Variants in DZANK1 observed in about 807,000 individuals in gnomAD.
DZANK1 encodes double zinc ribbon and ankyrin repeat-containing protein 1.
DZANK1 carries 91 observed loss-of-function variants against 94.5 expected under a neutral mutation model. The ratio of observed to expected loss-of-function variants is 0.96; its 90% CI spans 0.81 to 1.15. The LOEUF is 1.15. DZANK1 is among the 50% of genes most tolerant of loss of function. The pLI is 0.00. For missense variants in DZANK1, 903 were observed against 916.4 expected, an observed-to-expected ratio of 0.99 and a Z score of 0.19; for synonymous variants, 312 against 325.3, an observed-to-expected ratio of 0.96 and a Z score of 0.44.
chr20:18,457,464 G>A (rs1327787499), intron 3 of DZANK1, among the ~76,000 whole-genome samples: 5 of 152,142 alleles, frequency 3.3e-5, no homozygotes, highest in East Asian at 1.9e-4. Flanking sequence ...GTGACACAGC[G>A]AGACCCTGTC....
At chr20:18,389,814 G>A (rs912189194) in exon 19 of DZANK1, 1 of 1,613,890 alleles carries the variant, frequency 6.2e-7, no homozygotes, top group African/African-American at 1.3e-5. Flanking sequence ...CATCACAGCA[G>A]TTGGGGTCTG....
chr20:18,437,541 T>G (rs1456267585), intron 8 of DZANK1, among the ~76,000 whole-genome samples: 2 of 151,716 alleles, frequency 1.3e-5, no homozygotes, highest in African/African-American at 2.4e-5. Flanking sequence ...ATTGTGCCAC[T>G]GCGCTCACTC....
chr20:18,434,027 G>T, intron 8 of DZANK1: 1 of 378,070 alleles, frequency 2.6e-6, no homozygotes, highest in East Asian at 4.7e-5. Flanking sequence ...CACATTATTT[G>T]TATCAAATAA....
rs542374499 is a variant in DZANK1 at position 18,398,794 on chromosome 20, C to T, written c.1433-168G>A. 2.0e-5 allele frequency among the ~76,000 whole-genome samples: 3 copies of T among 152,314 alleles called. No individual in the cohort carries two copies. In the East Asian group the frequency reaches 5.8e-4, roughly 29 times the overall value. On this transcript the variant is annotated intron_variant, in intron 13 of 20. Transcript: ENST00000262547. The stretch of plus-strand genomic sequence containing the variant: ...ATGCTCTGGAACAAGTTCCATTTTC[C>T]TCCATAACTGCTTGTTACATGTAAT...
rs2058721701 is a variant in DZANK1, at chr20:18,441,744, C to T, written c.747+1603G>A. Reference sequence around the variant, plus strand: ...GATCCAATGAAACTCATTAGGAATTCCTCATCTAGGGAACTGGCAGAACAT... The same window carrying T: ...GATCCAATGAAACTCATTAGGAATTTCTCATCTAGGGAACTGGCAGAACAT... On this transcript the variant is annotated intron_variant, in intron 8 of 20. Transcript: ENST00000262547. This position sits in a 1 kb window ranked among gnomAD's most constrained non-coding sequence, Gnocchi z 4.1. Among the ~76,000 whole-genome samples, 1 of 152,156 alleles carries T rather than the reference C, an allele frequency of 6.6e-6. No individual in the cohort carries two copies. Among genetic ancestry groups the T allele is most frequent in the Admixed American group, 6.5e-5 (1 of 15,272 alleles).
chr20:18,427,011 A>G, intron 10 of DZANK1, 56 bp downstream of exon 10: 1 of 1,313,536 alleles, frequency 7.6e-7, no homozygotes, highest in Non-Finnish European at 1.1e-6. Flanking sequence ...CTCTATTATC[A>G]TTAACATTGA....
chr20:18,426,398 AG>A (rs147090088), intron 10 of DZANK1, among the ~76,000 whole-genome samples: 5,587 of 152,250 alleles, frequency 0.037, 268 homozygotes, highest in African/African-American at 0.12. Context: ...CACATTGTCC[AG>A]TTTCATGAGG....
intron 10 of DZANK1, among the ~76,000 whole-genome samples, chr20:18,418,758 A>G (rs2057622039): frequency 1.3e-5 from 2 of 152,238 alleles, no homozygotes; most frequent in Admixed American, 1.3e-4. Context: ...TATTCTGTCC[A>G]CAATGAATAA....
At chr20:18,384,506 G>A (rs551128712) in exon 21 of DZANK1, 24 of 1,611,888 alleles carry the variant, frequency 1.5e-5, no homozygotes, top group Non-Finnish European at 2.0e-5. Context: ...CCAGTGTTCA[G>A]AGCCAGGTCG....
At chr20:18,456,624 A>T (rs555052797) in intron 3 of DZANK1, among the ~76,000 whole-genome samples, 1 of 151,912 alleles carries the variant, frequency 6.6e-6, no homozygotes, top group African/African-American at 2.4e-5. Flanking sequence ...CTATCTCTAT[A>T]GTTTTGTCTT....
intron 13 of DZANK1, among the ~76,000 whole-genome samples, chr20:18,403,796 C>CTTTTTTT (rs35824877): frequency 4.5e-5 from 5 of 111,752 alleles, no homozygotes; most frequent in Non-Finnish European, 9.0e-5. Context: ...AACTTTCTTT[C>CTTTTTTT]TTTTTTTTTT....
chr20:18,454,368 G>A, intron 4 of DZANK1: 1 of 211,310 alleles, frequency 4.7e-6, no homozygotes, highest in Non-Finnish European at 9.7e-6. Flanking sequence ...ACCCATGCCT[G>A]CATCTACCAA....
chr20:18,435,545 T>C (rs1457930585), intron 8 of DZANK1, among the ~76,000 whole-genome samples: 4 of 151,654 alleles, frequency 2.6e-5, no homozygotes, highest in Admixed American at 1.3e-4. Flanking sequence ...AGTTGAACAA[T>C]GAGAACACAT....
chr20:18,437,258 G>T (rs2058558455), intron 8 of DZANK1, among the ~76,000 whole-genome samples: 1 of 152,186 alleles, frequency 6.6e-6, no homozygotes. Context: ...AAAGAAAGGA[G>T]GACGATACTT....
intron 19 of DZANK1, among the ~76,000 whole-genome samples, chr20:18,388,758 G>C (rs1045541720): frequency 1.3e-5 from 2 of 152,104 alleles, no homozygotes; most frequent in African/African-American, 2.4e-5. Flanking sequence ...CAAAAGGGGG[G>C]TAGAAGCTAT....
intron 2 of DZANK1, 66 bp from the exon 3 acceptor site, chr20:18,460,372 T>C (rs939904566): frequency 2.5e-5 from 29 of 1,174,862 alleles, no homozygotes; most frequent in Non-Finnish European, 3.2e-5. Flanking sequence ...ATAATGCCTA[T>C]AGGTCAGTTT....
At chr20:18,447,472 G>A (rs1201042398) in intron 7 of DZANK1, among the ~76,000 whole-genome samples, 3 of 150,710 alleles carry the variant, frequency 2.0e-5, no homozygotes, top group Non-Finnish European at 3.0e-5. Flanking sequence ...GATTACAGGC[G>A]CCCACCACCA....
Position 18,384,553 on chromosome 20 carries a change from C to T in DZANK1, c.2105G>A (p.Ser702Asn), listed in dbSNP as rs1304232258. The T allele has an allele frequency of 3.1e-6, 5 of 1,603,084 alleles. No homozygotes were observed. In the Admixed American group the frequency reaches 5.1e-5, roughly 17 times the overall value. The change falls in exon 21 of 21, where the codon AGC becomes AAC. Residue 702 changes from serine to asparagine, a missense_variant. Coordinates refer to ENST00000262547, the Ensembl canonical transcript of DZANK1. ...GCCTCCTGCATTCTTCTTTTGGATG[C>T]TTGCATTGCATCTGCAAAGGAAATG...
At position 18,389,699 on chromosome 20, in the gene DZANK1, ACGGCCCCCACTGCTGGTCGATGT is replaced by A; in HGVS notation, c.1997_2018+1del. On this transcript the variant is annotated splice_donor_variant and coding_sequence_variant, in exon 19 of 21. Transcript: ENST00000262547. LOFTEE classifies it high-confidence loss of function. ...GCTCTCCTTTCAATGTGTTTCACTT[ACGGCCCCCACTGCTGGTCGATGT>A]CTGCTCCTCTCTGCACGAGAACTGG... 6.2e-7 allele frequency: 1 copy of A among 1,613,784 alleles called. No individual in the cohort carries two copies.
Sources: gnomAD v4.1 joint callset for allele counts (sites outside exome capture counted in the v4.1 genomes callset) on GRCh38, gnomAD v4.1.1 for gene constraint, Gnocchi (gnomAD v3.1) non-coding constraint, MANE v1.5 for transcripts, NCBI Gene and HGNC (gene_info 2026-07-23, HGNC 2026-07-21) for gene names.